The following RPS6KC1 variants were observed in gnomAD, a reference collection of about 807,000 sequenced individuals.
RPS6KC1 encodes inactive ribosomal protein S6 kinase delta-1.
RPS6KC1 carries 54 observed loss-of-function variants against 103.8 expected under a neutral mutation model. That is an observed-to-expected ratio of 0.52 (90% CI 0.42 to 0.65). RPS6KC1 has a LOEUF of 0.65. Ranked by LOEUF, RPS6KC1 falls within the 30% of genes least tolerant of loss-of-function variation. The pLI is 0.00. For synonymous variants in RPS6KC1, 439 were observed against 438.7 expected (o/e 1.00, Z -0.01); for missense variants, 1,151 against 1,253.8 (o/e 0.92, Z 1.24).
At chr1:213,513,371 C>T in the RPS6KC1 span, among the ~76,000 whole-genome samples, 1 of 152,132 alleles carries the variant, frequency 6.6e-6, no homozygotes, top group Non-Finnish European at 1.5e-5. Flanking sequence ...TTTTAAGTAC[C>T]ACATTTGTGC....
chr1:213,420,974 C>G, the RPS6KC1 span, among the ~76,000 whole-genome samples: 1 of 152,138 alleles, frequency 6.6e-6, no homozygotes, highest in Non-Finnish European at 1.5e-5. Context: ...TGCAAATTTT[C>G]CCTTCTGATA....
chr1:213,563,537 C>T, the RPS6KC1 span, among the ~76,000 whole-genome samples: 1 of 152,008 alleles, frequency 6.6e-6, no homozygotes, highest in Non-Finnish European at 1.5e-5. Flanking sequence ...TCTTCATTCC[C>T]ACTTTATTTG....
the RPS6KC1 span, among the ~76,000 whole-genome samples, chr1:213,745,305 T>C: frequency 6.6e-6 from 1 of 151,632 alleles, no homozygotes; most frequent in East Asian, 1.9e-4. Flanking sequence ...ATGATGCTAT[T>C]GAGTCCCTTG....
chr1:213,120,880 T>C (rs2084301619), intron 5 of RPS6KC1, among the ~76,000 whole-genome samples: 1 of 152,158 alleles, frequency 6.6e-6, no homozygotes, highest in Non-Finnish European at 1.5e-5. Flanking sequence ...TTTGTTAATA[T>C]CTTAAAATGC....
the RPS6KC1 span, among the ~76,000 whole-genome samples, chr1:213,612,486 A>C: frequency 6.6e-6 from 1 of 152,196 alleles, no homozygotes. Context: ...AATTCATTTC[A>C]GTTTCCTCTT....
At chr1:213,770,106 G>A in the RPS6KC1 span, among the ~76,000 whole-genome samples, 6 of 152,164 alleles carry the variant, frequency 3.9e-5, no homozygotes, top group Non-Finnish European at 7.3e-5. Flanking sequence ...CTTTGAACAC[G>A]GAAGTGCTGC....
the RPS6KC1 span, among the ~76,000 whole-genome samples, chr1:213,481,446 T>C: frequency 2.6e-5 from 4 of 152,232 alleles, no homozygotes; most frequent in African/African-American, 9.7e-5. Context: ...ATGACTCGTT[T>C]CATGAGTCTT....
the RPS6KC1 span, among the ~76,000 whole-genome samples, chr1:213,282,267 A>G: frequency 0.17 from 26,216 of 152,246 alleles, 3,048 homozygotes; most frequent in Non-Finnish European, 0.26. Flanking sequence ...GGGCAGGGTG[A>G]CTGCGGACTA....
At chr1:213,693,630 C>A in the RPS6KC1 span, among the ~76,000 whole-genome samples, 13 of 152,064 alleles carry the variant, frequency 8.5e-5, no homozygotes, top group African/African-American at 3.1e-4. Context: ...AGGAAGGGAC[C>A]CATTAGTGTC....
chr1:213,469,723 A>G, the RPS6KC1 span, among the ~76,000 whole-genome samples: 3 of 152,356 alleles, frequency 2.0e-5, no homozygotes, highest in Non-Finnish European at 4.4e-5. Flanking sequence ...TAGTTTTAAA[A>G]ATCACATAAC....
intron 3 of RPS6KC1, among the ~76,000 whole-genome samples, chr1:213,089,957 C>G (rs565233695): frequency 6.6e-6 from 1 of 152,264 alleles, no homozygotes; most frequent in Non-Finnish European, 1.5e-5. Flanking sequence ...TAATTTCAGT[C>G]CAGCTATCAA....
the RPS6KC1 span, among the ~76,000 whole-genome samples, chr1:213,427,250 GTA>G: frequency 6.6e-6 from 1 of 152,198 alleles, no homozygotes; most frequent in Non-Finnish European, 1.5e-5. Context: ...AGAGCCATAT[GTA>G]TCTCTTTGTG....
At chr1:213,562,847 A>T in the RPS6KC1 span, among the ~76,000 whole-genome samples, 2 of 151,936 alleles carry the variant, frequency 1.3e-5, no homozygotes, top group African/African-American at 4.8e-5. Flanking sequence ...AATATTTTGC[A>T]GAGTCAGGGC....
Position 213,242,101 on chromosome 1 carries a change from G to A in RPS6KC1, c.2625G>A (p.Val875=), listed in dbSNP as rs377265201. The A allele has an allele frequency of 1.9e-6, 3 of 1,613,784 alleles. No individual in the cohort carries two copies. The African/African-American group carries it at 4.0e-5, about 22-fold the overall frequency. ...AGACTAAGGGTGAAAGTGGTTTAGT[G>A]CTAGAAGGAGACAAGGAAATACATC... ...DSETKGESGL[V]LEGDKEIHQI... Residue 875 remains valine (V), a synonymous_variant, in exon 11 of 15, where the codon GTG becomes GTA. Coordinates refer to ENST00000366960, the MANE Select transcript of RPS6KC1 (RefSeq NM_012424.6).
At chr1:213,820,498 C>G in the RPS6KC1 span, 3 of 152,326 alleles carry the variant, frequency 2.0e-5, no homozygotes, top group African/African-American at 4.8e-5. Context: ...TGACTGTCAG[C>G]CAGGACTACC....
chr1:213,261,557 G>A lies in RPS6KC1; in HGVS notation c.2912-1G>A. 2 of 1,613,646 alleles carry A rather than the reference G, an allele frequency of 1.2e-6. No homozygotes were observed. Reference sequence around the variant, plus strand: ...ATATCAACCTTTTTTGGTGTGGTTAGAGGTTGGAGCAATCACTGAAGAAAC... The same window carrying A: ...ATATCAACCTTTTTTGGTGTGGTTAAAGGTTGGAGCAATCACTGAAGAAAC... On this transcript the variant is annotated splice_acceptor_variant, in intron 12 of 14. Coordinates refer to ENST00000366960, the MANE Select transcript of RPS6KC1 (RefSeq NM_012424.6). LOFTEE classifies it high-confidence loss of function.
the RPS6KC1 span, among the ~76,000 whole-genome samples, chr1:213,494,205 A>G: frequency 5.3e-5 from 8 of 152,112 alleles, no homozygotes; most frequent in African/African-American, 1.9e-4. Context: ...TCAATTCATC[A>G]TGTCTTTTGA....
the RPS6KC1 span, among the ~76,000 whole-genome samples, chr1:213,491,320 G>T: frequency 6.6e-6 from 1 of 152,142 alleles, no homozygotes; most frequent in Admixed American, 6.5e-5. Flanking sequence ...GGTTGAGGTG[G>T]GTGGATCCTT....
At chr1:213,586,893 A>T in the RPS6KC1 span, among the ~76,000 whole-genome samples, 1 of 152,154 alleles carries the variant, frequency 6.6e-6, no homozygotes, top group Admixed American at 6.5e-5. Flanking sequence ...TGGGCTGTAG[A>T]AGAAGGAAGG....
Sources: allele counts gnomAD v4.1 joint callset (sites outside exome capture counted in the v4.1 genomes callset), GRCh38; gene constraint gnomAD v4.1.1; transcripts MANE v1.5; gene names NCBI Gene and HGNC (gene_info 2026-07-23, HGNC 2026-07-21).